The following JPH2 variants were observed in gnomAD, a reference collection of about 807,000 sequenced individuals.
JPH2 encodes junctophilin-2.
In JPH2, 38 loss-of-function variants were observed where a neutral mutation model predicts 55.9. That is an observed-to-expected ratio of 0.68 (90% confidence interval 0.52 to 0.89). The LOEUF (loss-of-function observed/expected upper bound fraction) is 0.89. Ranked by LOEUF, JPH2 falls within the 40% of genes least tolerant of loss-of-function variation. The pLI, the probability that JPH2 is intolerant of heterozygous loss-of-function variation, is 0.00. For synonymous variants in JPH2, 480 were observed against 472.4 expected, an observed-to-expected ratio of 1.02 and a Z score of -0.21; for missense variants, 964 against 1,037.6, an observed-to-expected ratio of 0.93 and a Z score of 0.97.
intron 1 of JPH2, among the ~76,000 whole-genome samples, chr20:44,173,412 T>A (rs1293343566): frequency 6.6e-6 from 1 of 152,046 alleles, no homozygotes; most frequent in East Asian, 1.9e-4. Flanking sequence ...CGACTTCCTA[T>A]AATTTCATCC....
Position 44,109,327 on chromosome 20 carries a change from C to T in JPH2, c.*4191G>A, listed in dbSNP as rs1490541609. ...GCAGTGCATTTACCATCTGCTCACA[C>T]CATGCTGGGAATTGTTCTAAGTGCT... On this transcript the variant is annotated 3_prime_UTR_variant, in exon 6 of 6. Coordinates refer to ENST00000372980, the MANE Select transcript of JPH2 (RefSeq NM_020433.5). 6.6e-6 allele frequency among the ~76,000 whole-genome samples: 1 copy of T among 152,222 alleles called. No homozygotes were observed. Among genetic ancestry groups the T allele is most frequent in the African/African-American group, 2.4e-5 (1 of 41,432 alleles).
rs767333141 is a variant in JPH2, at chr20:44,120,183, C to T, written c.1170-1560G>A. 3.9e-5 allele frequency among the ~76,000 whole-genome samples: 6 copies of T among 152,276 alleles called. No individual in the cohort carries two copies. In the East Asian group the frequency reaches 5.8e-4, roughly 15 times the overall value. ...CTCTACTTCTAGGGAATCTAACCTA[C>T]ACCGTCCAAGTTCATGGACCCCTGA... On this transcript the variant is annotated intron_variant, in intron 2 of 5. Transcript: ENST00000372980.
intron 2 of JPH2, among the ~76,000 whole-genome samples, chr20:44,153,587 G>T (rs1284725599): frequency 6.6e-6 from 1 of 152,170 alleles, no homozygotes; most frequent in Non-Finnish European, 1.5e-5. Flanking sequence ...TGCCACCCTG[G>T]TACAAAACCT....
Position 44,115,701 on chromosome 20 carries a change from G to T in JPH2, c.1974C>A (p.Ala658=). The part of the protein sequence containing the change: ...AGAKKKARKE[A]ALAAEAEVEV... The stretch of plus-strand genomic sequence containing the variant: ...CCACCTCCGCCTCTGCCGCCAGTGC[G>T]GCCTCCTTCCGCGCCTTCTTCTTGG... Residue 658 remains alanine, a synonymous_variant, in exon 4 of 6, where the codon GCC becomes GCA. Coordinates refer to ENST00000372980, the MANE Select transcript of JPH2 (RefSeq NM_020433.5). The T allele has an allele frequency of 6.2e-7, 1 of 1,613,296 alleles. No individual in the cohort carries two copies. The highest frequency in any genetic ancestry group is 8.5e-7 in the Non-Finnish European group (1 of 1,180,002).
chr20:44,159,907 C>T lies in JPH2; in HGVS notation c.880G>A (p.Glu294Lys), dbSNP rs763677478. The change falls in exon 2 of 6, where the codon GAG becomes AAG. Residue 294 changes from glutamate to lysine, a missense_variant. Coordinates refer to ENST00000372980, the MANE Select transcript of JPH2 (RefSeq NM_020433.5). The surrounding 1 kb of genome is among the most constrained non-coding windows in gnomAD (Gnocchi z 5.7). ...CCCGAGCGTTTGTCGTTCTTCCACT[C>T]GCCCATGTAGGTCTCGGTGGTGGTG... The part of the protein sequence containing the change: ...DATTTETYMG[E>K]WKNDKRSGFG... The T allele has an allele frequency of 1.9e-6, 3 of 1,612,900 alleles. No individual in the cohort carries two copies. Among genetic ancestry groups the T allele is most frequent in the East Asian group, 2.2e-5 (1 of 44,858 alleles).
At chr20:44,131,438 G>C (rs1301998737) in intron 2 of JPH2, among the ~76,000 whole-genome samples, 1 of 152,202 alleles carries the variant, frequency 6.6e-6, no homozygotes, top group Non-Finnish European at 1.5e-5. Flanking sequence ...CCGACCTGCA[G>C]AACTGTTAAG....
chr20:44,119,437 T>C (rs973551541), intron 2 of JPH2, among the ~76,000 whole-genome samples: 16 of 152,228 alleles, frequency 1.1e-4, no homozygotes, highest in African/African-American at 3.9e-4. Flanking sequence ...CTCATTGTAG[T>C]GGGTACTTCT....
intron 2 of JPH2, among the ~76,000 whole-genome samples, chr20:44,137,267 G>A (rs190545464): frequency 1.0e-4 from 13 of 127,836 alleles, no homozygotes; most frequent in South Asian, 5.7e-4. Context: ...CCCGGGAGCC[G>A]GCCTGCAAAG....
At chr20:44,155,039 G>A (rs1413451909) in intron 2 of JPH2, among the ~76,000 whole-genome samples, 7 of 152,036 alleles carry the variant, frequency 4.6e-5, no homozygotes, top group Non-Finnish European at 8.8e-5. Context: ...AGGGGCACAG[G>A]CATTGGCAGG....
At chr20:44,151,287 C>T (rs1271849280) in intron 2 of JPH2, among the ~76,000 whole-genome samples, 1 of 152,108 alleles carries the variant, frequency 6.6e-6, no homozygotes, top group African/African-American at 2.4e-5. Context: ...GAGGTTGAAG[C>T]GCATGGATCA....
rs2072744518 is a variant in JPH2, at chr20:44,177,528, T to C, written c.379+8799A>G. 5.6e-6 allele frequency: 6 copies of C among 1,080,224 alleles called. No homozygotes were observed. The South Asian group carries it at 1.6e-4, about 30-fold the overall frequency. The allele number at this position is 1,080,224 out of a possible 1,614,324, so 66.9% of individuals were successfully genotyped here. Reference sequence around the variant, plus strand: ...CCGCTTTTCTGTTCTGCTAAGGGTCTGCTGTGCTCTCCTGGGGTCTCCATA... The same window carrying C: ...CCGCTTTTCTGTTCTGCTAAGGGTCCGCTGTGCTCTCCTGGGGTCTCCATA... On this transcript the variant is annotated intron_variant, in intron 1 of 5. Coordinates refer to ENST00000372980, the MANE Select transcript of JPH2 (RefSeq NM_020433.5).
chr20:44,171,268 G>A (rs1406781714), intron 1 of JPH2, among the ~76,000 whole-genome samples: 1 of 152,194 alleles, frequency 6.6e-6, no homozygotes, highest in African/African-American at 2.4e-5. Context: ...ATATTCAACT[G>A]ATCCCAGGGG....
intron 2 of JPH2, among the ~76,000 whole-genome samples, chr20:44,128,996 G>C (rs1477857262): frequency 6.6e-6 from 1 of 152,196 alleles, no homozygotes; most frequent in East Asian, 1.9e-4. Flanking sequence ...GGATTAGAGA[G>C]AGAACTGACC....
At chr20:44,181,327 T>G (rs1334728907) in intron 1 of JPH2, among the ~76,000 whole-genome samples, 1 of 152,242 alleles carries the variant, frequency 6.6e-6, no homozygotes, top group Admixed American at 6.5e-5. Context: ...CAGACACTTT[T>G]AAACACACAC....
rs1569195731 is a variant in JPH2, at chr20:44,134,875, TTTA to T, written c.1170-16255_1170-16253del. ...ATAAATATATATATAAATATATATATTTATATATATATTAATATATATTTATAT... is the reference window on the plus strand; with the variant it reads ...ATAAATATATATATAAATATATATATTATATATATTAATATATATTTATAT... On this transcript the variant is annotated intron_variant, in intron 2 of 5. Transcript: ENST00000372980. 9.6e-4 allele frequency among the ~76,000 whole-genome samples: 24 copies of T among 25,112 alleles called. 1 individual carries two copies. Among genetic ancestry groups the T allele is most frequent in the South Asian group, 3.0e-3 (3 of 1,006 alleles). 16.5% of individuals were successfully genotyped at this position (25,112 alleles called of 152,430 possible). A position where few individuals can be genotyped will look rare whatever the true frequency, so the allele number is the denominator to read the frequency against.
At chr20:44,125,315 G>A (rs959797022) in intron 2 of JPH2, among the ~76,000 whole-genome samples, 2 of 146,810 alleles carry the variant, frequency 1.4e-5, no homozygotes, top group South Asian at 4.6e-4. Flanking sequence ...GCCGACCCCT[G>A]TACTAATGTA....
At chr20:44,158,945 G>A (rs572347286) in intron 2 of JPH2, among the ~76,000 whole-genome samples, 6 of 152,326 alleles carry the variant, frequency 3.9e-5, no homozygotes, top group African/African-American at 1.4e-4. Context: ...GGACGGGTGA[G>A]TGGTTGAAAG....
intron 2 of JPH2, among the ~76,000 whole-genome samples, chr20:44,143,476 C>A (rs1290423711): frequency 1.3e-5 from 2 of 152,192 alleles, no homozygotes; most frequent in Non-Finnish European, 2.9e-5. Context: ...TGGGAAACTC[C>A]CAGTGAATGC....
chr20:44,137,101 A>G (rs920921845), intron 2 of JPH2, among the ~76,000 whole-genome samples: 12 of 152,216 alleles, frequency 7.9e-5, no homozygotes, highest in African/African-American at 2.9e-4. Flanking sequence ...TGCCCAGCAC[A>G]TAGTAGGTAC....
Sources: gnomAD v4.1 joint callset for allele counts (sites outside exome capture counted in the v4.1 genomes callset) on GRCh38, gnomAD v4.1.1 for gene constraint, Gnocchi (gnomAD v3.1) non-coding constraint, MANE v1.5 for transcripts, NCBI Gene and HGNC (gene_info 2026-07-23, HGNC 2026-07-21) for gene names.